The following AGBL1 variants were observed in gnomAD, a reference collection of about 807,000 sequenced individuals.
The protein encoded by AGBL1 is cytosolic carboxypeptidase 4.
Under a neutral mutation model 118.9 loss-of-function variants are expected in AGBL1, and 130 were observed. The ratio of observed to expected loss-of-function variants is 1.09; its 90% CI spans 0.95 to 1.26. The LOEUF (loss-of-function observed/expected upper bound fraction) is 1.26, where lower values mean the gene tolerates loss of function less well. AGBL1 is among the 50% of genes most tolerant of loss of function. The probability of loss-of-function intolerance (pLI) is 0.00; values close to 1 mark genes in which losing one functional copy is unlikely to be tolerated. For synonymous variants in AGBL1, 555 were observed against 478.9 expected, an observed-to-expected ratio of 1.16 and a Z score of -2.08; for missense variants, 1,584 against 1,298.1, an observed-to-expected ratio of 1.22 and a Z score of -3.38.
chr15:86,570,041 C>A (rs560597075), intron 21 of AGBL1, among the ~76,000 whole-genome samples: 1 of 152,288 alleles, frequency 6.6e-6, no homozygotes, highest in African/African-American at 2.4e-5. Context: ...TTGACTTAAT[C>A]CAGAGTTTTA....
intron 23 of AGBL1, among the ~76,000 whole-genome samples, chr15:86,968,895 C>G (rs1368394202): frequency 1.3e-5 from 2 of 151,852 alleles, no homozygotes; most frequent in Non-Finnish European, 1.5e-5. Context: ...GGCAAGCAAG[C>G]TCCCACAGGC....
chr15:86,678,695 C>A (rs2085893097), intron 22 of AGBL1, among the ~76,000 whole-genome samples: 1 of 152,044 alleles, frequency 6.6e-6, no homozygotes, highest in South Asian at 2.1e-4. Flanking sequence ...CTTGGATAAA[C>A]CTGTCTACCT....
intron 17 of AGBL1, among the ~76,000 whole-genome samples, chr15:86,311,466 C>A (rs1895105196): frequency 6.6e-6 from 1 of 152,112 alleles, no homozygotes; most frequent in South Asian, 2.1e-4. Flanking sequence ...ATTATTCCTG[C>A]TGAAAAGAAT....
intron 22 of AGBL1, among the ~76,000 whole-genome samples, chr15:86,781,052 A>G (rs1263399801): frequency 6.6e-6 from 1 of 152,044 alleles, no homozygotes; most frequent in Admixed American, 6.6e-5. Context: ...AGTATTTAAC[A>G]TGTTCTGATG....
At chr15:87,010,343 C>T (rs1441141597) in intron 24 of AGBL1, among the ~76,000 whole-genome samples, 1 of 152,142 alleles carries the variant, frequency 6.6e-6, no homozygotes, top group Non-Finnish European at 1.5e-5. Context: ...AATTGTCAGG[C>T]CACCCCAGCC....
chr15:86,890,613 C>T (rs555683822), intron 22 of AGBL1, among the ~76,000 whole-genome samples: 4 of 152,212 alleles, frequency 2.6e-5, no homozygotes, highest in African/African-American at 9.6e-5. Flanking sequence ...ACATGGCTAG[C>T]CAGTTTTTCC....
intron 7 of AGBL1, among the ~76,000 whole-genome samples, chr15:86,251,118 A>C (rs2078808553): frequency 6.6e-6 from 1 of 152,226 alleles, no homozygotes; most frequent in South Asian, 2.1e-4. Flanking sequence ...AATATTGATA[A>C]TTTCAAAAGC....
intron 7 of AGBL1, among the ~76,000 whole-genome samples, chr15:86,256,036 G>T (rs1411474816): frequency 3.3e-5 from 5 of 152,030 alleles, no homozygotes; most frequent in Non-Finnish European, 5.9e-5. Context: ...TAGCAAACTG[G>T]GGGACCCCAC....
At chr15:86,402,846 C>T (rs2081468161) in intron 18 of AGBL1, among the ~76,000 whole-genome samples, 1 of 152,000 alleles carries the variant, frequency 6.6e-6, no homozygotes, top group African/African-American at 2.4e-5. Context: ...CATGTCTGAA[C>T]AGGGAAAGAA....
intron 8 of AGBL1, 99 bp from the exon 9 acceptor site, chr15:86,257,865 G>A: frequency 7.0e-6 from 8 of 1,137,178 alleles, no homozygotes; most frequent in Non-Finnish European, 1.0e-5. Flanking sequence ...CCTTATTTGA[G>A]AGAGGAAGAA....
At chr15:86,899,802 T>G (rs2080185518) in intron 22 of AGBL1, among the ~76,000 whole-genome samples, 1 of 152,074 alleles carries the variant, frequency 6.6e-6, no homozygotes, top group African/African-American at 2.4e-5. Context: ...ATATTGTGAG[T>G]GTTAACTTGA....
intron 1 of AGBL1, among the ~76,000 whole-genome samples, chr15:86,091,238 A>G (rs879702084): frequency 8.5e-5 from 13 of 152,114 alleles, no homozygotes; most frequent in Non-Finnish European, 1.9e-4. Flanking sequence ...CAGGGAGTGG[A>G]AAGTAGTGGG....
intron 3 of AGBL1, among the ~76,000 whole-genome samples, chr15:86,150,237 C>G (rs1323387179): frequency 6.6e-6 from 1 of 152,240 alleles, no homozygotes; most frequent in East Asian, 1.9e-4. Flanking sequence ...CAAGAACAAA[C>G]AAATGCAAAA....
At chr15:86,848,245 A>G (rs1325922006) in intron 22 of AGBL1, among the ~76,000 whole-genome samples, 1 of 152,122 alleles carries the variant, frequency 6.6e-6, no homozygotes, top group Non-Finnish European at 1.5e-5. Context: ...TTGTGTATGC[A>G]TTTGGTTGAT....
At chr15:86,120,900 A>T (rs1597420678) in intron 1 of AGBL1, among the ~76,000 whole-genome samples, 1 of 141,904 alleles carries the variant, frequency 7.0e-6, no homozygotes, top group African/African-American at 2.6e-5. Flanking sequence ...GCTTTTATGG[A>T]TTTTTTTTTT....
intron 23 of AGBL1, among the ~76,000 whole-genome samples, chr15:86,973,254 A>T (rs907017469): frequency 1.3e-5 from 2 of 152,184 alleles, no homozygotes; most frequent in African/African-American, 4.8e-5. Context: ...CATGAAGAGC[A>T]TGGTGACATG....
intron 21 of AGBL1, among the ~76,000 whole-genome samples, chr15:86,665,422 A>G (rs2085627486): frequency 6.6e-6 from 1 of 152,190 alleles, no homozygotes; most frequent in African/African-American, 2.4e-5. Flanking sequence ...CCAGGAGACG[A>G]TTATGATTTG....
chr15:86,284,324 T>A (rs1345353330), intron 16 of AGBL1, among the ~76,000 whole-genome samples: 1 of 151,886 alleles, frequency 6.6e-6, no homozygotes, highest in Admixed American at 6.6e-5. Flanking sequence ...GCTTTGCTTA[T>A]TTTTAATGGA....
intron 1 of AGBL1, among the ~76,000 whole-genome samples, chr15:86,137,166 A>G (rs888237683): frequency 2.0e-5 from 3 of 152,210 alleles, no homozygotes; most frequent in African/African-American, 7.2e-5. Context: ...ATTTTTCTCC[A>G]CTGATCACCA....
Sources: gnomAD v4.1 joint callset for allele counts (sites outside exome capture counted in the v4.1 genomes callset) on GRCh38, gnomAD v4.1.1 for gene constraint, MANE v1.5 for transcripts, NCBI Gene and HGNC (gene_info 2026-07-23, HGNC 2026-07-21) for gene names.